GAD1: variants seen among roughly 807,000 people sequenced by gnomAD.
The protein encoded by GAD1 is glutamate decarboxylase 1.
Under a neutral mutation model 75.2 loss-of-function variants are expected in GAD1, and 35 were observed. That is an observed-to-expected ratio of 0.47 (90% CI 0.36 to 0.62). The LOEUF (loss-of-function observed/expected upper bound fraction) is 0.62. Among genes scored for constraint, GAD1 ranks in the 20% least tolerant of loss-of-function variants. The pLI is 0.00. For missense variants in GAD1, 490 were observed against 758.5 expected (o/e 0.65, Z 4.16); for synonymous variants, 257 against 271.9 (o/e 0.95, Z 0.54).
chr2:170,852,753 C>T lies in GAD1; in HGVS notation c.1224C>T (p.Gly408=), dbSNP rs375640311. 3.7e-5 allele frequency: 60 copies of T among 1,614,064 alleles called. No homozygotes were observed. Among genetic ancestry groups the T allele is most frequent in the African/African-American group, 8.0e-5 (6 of 74,924 alleles). ...SVTWNPHKMM[G]VLLQCSAILV... is the part of the protein sequence containing the mutation. The stretch of plus-strand genomic sequence containing the variant: ...CCTGGAACCCTCACAAGATGATGGG[C>T]GTGCTGTTGCAGTGCTCTGCCATTC... The change falls in exon 13 of 17, where the codon GGC becomes GGT. Residue 408 remains glycine, a synonymous_variant. Coordinates refer to ENST00000358196, the MANE Select transcript of GAD1 (RefSeq NM_000817.3).
At chr2:170,849,973 A>G (rs1052446505) in intron 12 of GAD1, among the ~76,000 whole-genome samples, 2 of 152,196 alleles carry the variant, frequency 1.3e-5, no homozygotes, top group African/African-American at 4.8e-5. Flanking sequence ...TCTAGGCCAA[A>G]TATGATTTTG....
intron 16 of GAD1, 73 bp downstream of exon 16, chr2:170,858,966 G>C: frequency 7.5e-7 from 1 of 1,325,926 alleles, no homozygotes; most frequent in Non-Finnish European, 1.1e-6. Flanking sequence ...TCATTCCAAT[G>C]TGCCTTTCTA....
At position 170,846,082 on chromosome 2, in the gene GAD1, A is replaced by C. The variant is rs1702626884; in HGVS notation, c.1002+19A>C. On this transcript the variant is annotated intron_variant, in intron 10 of 16. Transcript: ENST00000358196. ...ACAGAAGGTATGTACTCCGTGGTGCATCTGAACTCCAGTTTTAAAATACCT... is the reference window on the plus strand; with the variant it reads ...ACAGAAGGTATGTACTCCGTGGTGCCTCTGAACTCCAGTTTTAAAATACCT... The C allele has an allele frequency of 1.2e-6, 2 of 1,601,958 alleles. No homozygotes were observed. Among genetic ancestry groups the C allele is most frequent in the Admixed American group, 3.3e-5 (2 of 59,972 alleles).
intron 6 of GAD1, among the ~76,000 whole-genome samples, chr2:170,843,619 CT>C (rs56763249): frequency 0.28 from 37,458 of 134,052 alleles, 4,750 homozygotes; most frequent in South Asian, 0.36. Context: ...TGGCAGTCAG[CT>C]TTTTTTTTTT....
chr2:170,815,916 A>G (rs1260210943), upstream of GAD1, among the ~76,000 whole-genome samples: 1 of 152,182 alleles, frequency 6.6e-6, no homozygotes, highest in Non-Finnish European at 1.5e-5. Context: ...CTCTGGTGGG[A>G]ATTTCTCTTT....
intron 2 of GAD1, among the ~76,000 whole-genome samples, chr2:170,819,641 A>C (rs1575421777): frequency 6.7e-6 from 1 of 148,536 alleles, no homozygotes. Context: ...TCCTGACCCC[A>C]CCCCCCTAAA....
At chr2:170,827,641 C>T (rs1013790732) in intron 3 of GAD1, among the ~76,000 whole-genome samples, 7 of 152,162 alleles carry the variant, frequency 4.6e-5, no homozygotes, top group Admixed American at 3.9e-4. Context: ...CTGAGAATCC[C>T]GCCCTGGGCT....
At chr2:170,836,675 T>A (rs1702384830) in intron 5 of GAD1, 118 bp from the exon 6 acceptor site, 1 of 753,390 alleles carries the variant, frequency 1.3e-6, no homozygotes, top group Non-Finnish European at 2.4e-6. Flanking sequence ...AGCAGCCTTA[T>A]TCGACATATC....
chr2:170,852,479 TAA>T, intron 12 of GAD1: 3 of 565,652 alleles, frequency 5.3e-6, no homozygotes, highest in Non-Finnish European at 9.5e-6. Context: ...AGACATATAA[TAA>T]GTTATTCATA....
intron 2 of GAD1, among the ~76,000 whole-genome samples, chr2:170,821,317 G>T (rs1559267258): frequency 6.6e-6 from 1 of 152,164 alleles, no homozygotes; most frequent in Non-Finnish European, 1.5e-5. Context: ...GCCTGGAAAA[G>T]AAGGAAAATC....
At chr2:170,856,421 T>C (rs1477049937) in intron 14 of GAD1, among the ~76,000 whole-genome samples, 4 of 152,258 alleles carry the variant, frequency 2.6e-5, no homozygotes, top group Admixed American at 2.0e-4. Flanking sequence ...GCATGGGACA[T>C]GTTTCACAAG....
At position 170,828,202 on chromosome 2, in the gene GAD1, T is replaced by TCCCTCTGCTGTCCTCGCCCTC. The variant is rs1179278858; in HGVS notation, c.146-1272_146-1271insCCTCTGCTGTCCTCGCCCTCC. 1.6e-3 allele frequency among the ~76,000 whole-genome samples: 150 copies of TCCCTCTGCTGTCCTCGCCCTC among 94,740 alleles called. 3 individuals are homozygous for TCCCTCTGCTGTCCTCGCCCTC. The highest frequency in any genetic ancestry group is 0.01 in the East Asian group (16 of 1,558). The allele number at this position is 94,740 out of a possible 152,430, so 62.2% of individuals were successfully genotyped here. A position where few individuals can be genotyped will look rare whatever the true frequency, so the allele number is the denominator to read the frequency against. On this transcript the variant is annotated intron_variant, in intron 3 of 16. Transcript: ENST00000358196. ...CTCTCTCTGCTGTCCTCACCTCTCCTCTCTCTGCTATCCTCACCCCTCCTC... is the reference window on the plus strand; with the variant it reads ...CTCTCTCTGCTGTCCTCACCTCTCCTCCCTCTGCTGTCCTCGCCCTCCTCTCTGCTATCCTCACCCCTCCTC...
intron 5 of GAD1, among the ~76,000 whole-genome samples, chr2:170,831,453 G>A (rs545764720): frequency 4.8e-4 from 73 of 152,008 alleles, no homozygotes; most frequent in African/African-American, 1.7e-3. Context: ...GTCAAGTTCT[G>A]TATAAAGAGT....
At chr2:170,844,993 T>G (rs1391962454) in intron 7 of GAD1, among the ~76,000 whole-genome samples, 1 of 152,208 alleles carries the variant, frequency 6.6e-6, no homozygotes, top group Non-Finnish European at 1.5e-5. Flanking sequence ...TTTAATAAAC[T>G]TAGAGCTCTC....
chr2:170,837,794 C>T (rs1446593144), intron 6 of GAD1, among the ~76,000 whole-genome samples: 1 of 152,138 alleles, frequency 6.6e-6, no homozygotes, highest in Admixed American at 6.5e-5. Flanking sequence ...AGAAAATAGC[C>T]ACTCACTTTT....
At chr2:170,824,051 G>C (rs3791868) in intron 3 of GAD1, among the ~76,000 whole-genome samples, 52,479 of 151,730 alleles carry the variant, frequency 0.35, 10,019 homozygotes, top group Non-Finnish European at 0.44. Flanking sequence ...TAGGGAAGCC[G>C]GAGTTGGCCT....
intron 5 of GAD1, among the ~76,000 whole-genome samples, chr2:170,833,816 TG>T (rs5836308): frequency 0.66 from 100,659 of 151,920 alleles, 33,576 homozygotes; most frequent in Middle Eastern, 0.73. Context: ...AAGACTAACC[TG>T]GGCAAAACCC....
chr2:170,820,010 G>A (rs1208462397), intron 2 of GAD1, among the ~76,000 whole-genome samples: 1 of 152,230 alleles, frequency 6.6e-6, no homozygotes, highest in African/African-American at 2.4e-5. Context: ...CCTCGGGAGA[G>A]TCGCCAGCCC....
chr2:170,832,522 C>T (rs1223968880), intron 5 of GAD1, among the ~76,000 whole-genome samples: 6 of 152,192 alleles, frequency 3.9e-5, no homozygotes, highest in African/African-American at 1.4e-4. Flanking sequence ...AATAAGGTCA[C>T]ATTCACAGGA....
Sources: allele counts gnomAD v4.1 joint callset (sites outside exome capture counted in the v4.1 genomes callset), GRCh38; gene constraint gnomAD v4.1.1; transcripts MANE v1.5; gene names NCBI Gene and HGNC (gene_info 2026-07-23, HGNC 2026-07-21).